Variants in SNX9 observed in about 807,000 individuals in gnomAD.
The protein encoded by SNX9 is sorting nexin-9.
A neutral mutation model predicts 89.4 loss-of-function variants in SNX9; 44 were observed. The ratio of observed to expected loss-of-function variants is 0.49; its 90% CI spans 0.39 to 0.63. SNX9 has a LOEUF of 0.63. SNX9 is among the 30% of genes least tolerant of loss of function. The pLI, the probability that SNX9 is intolerant of heterozygous loss-of-function variation, is 0.00. For missense variants in SNX9, 578 were observed against 736.1 expected (o/e 0.79, Z 2.49); for synonymous variants, 236 against 247.8 (o/e 0.95, Z 0.45).
At chr6:157,898,211 C>G (rs1783020268) in intron 5 of SNX9, among the ~76,000 whole-genome samples, 1 of 152,196 alleles carries the variant, frequency 6.6e-6, no homozygotes, top group Non-Finnish European at 1.5e-5. Context: ...TGCAGTTGCC[C>G]TTATTCACTA....
intron 4 of SNX9, among the ~76,000 whole-genome samples, chr6:157,889,789 A>G (rs904404974): frequency 5.3e-5 from 8 of 152,212 alleles, no homozygotes; most frequent in African/African-American, 1.9e-4. Flanking sequence ...GCTAATAGGT[A>G]TGTTACTTAG....
At chr6:157,864,088 C>A (rs149222863) in intron 1 of SNX9, among the ~76,000 whole-genome samples, 7 of 152,208 alleles carry the variant, frequency 4.6e-5, no homozygotes, top group African/African-American at 1.7e-4. Context: ...GAATTTATTC[C>A]TCATAACTGT....
At chr6:157,844,155 G>A (rs1461565490) in intron 1 of SNX9, among the ~76,000 whole-genome samples, 3 of 151,966 alleles carry the variant, frequency 2.0e-5, no homozygotes, top group Admixed American at 6.6e-5. Context: ...GATTGTAACC[G>A]CCCAATGGGT....
At chr6:157,913,086 C>T (rs953912455) in intron 9 of SNX9, among the ~76,000 whole-genome samples, 3 of 152,134 alleles carry the variant, frequency 2.0e-5, no homozygotes, top group Non-Finnish European at 4.4e-5. Flanking sequence ...GGGAGTTCAT[C>T]GTATCCCAGG....
At chr6:157,863,194 C>T (rs1782182670) in intron 1 of SNX9, among the ~76,000 whole-genome samples, 1 of 152,176 alleles carries the variant, frequency 6.6e-6, no homozygotes, top group Non-Finnish European at 1.5e-5. Context: ...GTGGGGCAGA[C>T]AGAATAACAG....
intron 1 of SNX9, 92 bp from the exon 2 acceptor site, chr6:157,867,455 C>T: frequency 1.0e-6 from 1 of 973,292 alleles, no homozygotes; most frequent in South Asian, 1.7e-5. Flanking sequence ...ATGTTTGTAC[C>T]AGCATGCTTA....
At chr6:157,835,959 C>CA (rs773723979) in intron 1 of SNX9, among the ~76,000 whole-genome samples, 1 of 152,138 alleles carries the variant, frequency 6.6e-6, no homozygotes, top group Non-Finnish European at 1.5e-5. Context: ...AGAAGGGTCT[C>CA]ACTCTGTTGC....
intron 4 of SNX9, among the ~76,000 whole-genome samples, chr6:157,892,276 A>G (rs906227070): frequency 6.6e-6 from 1 of 152,128 alleles, no homozygotes; most frequent in African/African-American, 2.4e-5. Flanking sequence ...TATGGGAAGG[A>G]TGGGTTCAGA....
At position 157,910,136 on chromosome 6, in the gene SNX9, G is replaced by C. The variant is rs767881582; in HGVS notation, c.949+111G>C. 7.3e-6 allele frequency: 6 copies of C among 821,772 alleles called. No homozygotes were observed. In the Admixed American group the frequency reaches 7.7e-5, roughly 10 times the overall value. 50.9% of individuals were successfully genotyped at this position (821,772 alleles called of 1,614,324 possible). A position where few individuals can be genotyped will look rare whatever the true frequency, so the allele number is the denominator to read the frequency against. Reference sequence around the variant, plus strand: ...CCATCCTGTAGAGCAGCAGGATGCAGGAGTTGGAAACAGTAATTAAATACA... The same window carrying C: ...CCATCCTGTAGAGCAGCAGGATGCACGAGTTGGAAACAGTAATTAAATACA... On this transcript the variant is annotated intron_variant, in intron 9 of 17. Transcript: ENST00000392185.
chr6:157,939,576 G>A (rs1783993938), intron 16 of SNX9, among the ~76,000 whole-genome samples: 1 of 152,198 alleles, frequency 6.6e-6, no homozygotes, highest in Non-Finnish European at 1.5e-5. Context: ...CTGGGGAGAA[G>A]AGAATGAAGC....
chr6:157,830,258 G>T (rs1781456057), intron 1 of SNX9: 1 of 152,122 alleles, frequency 6.6e-6, no homozygotes, highest in Non-Finnish European at 1.5e-5. Context: ...CATTGAGAAG[G>T]TATGTTGTTG....
intron 1 of SNX9, among the ~76,000 whole-genome samples, chr6:157,831,588 A>G (rs1262507040): frequency 6.6e-6 from 1 of 152,176 alleles, no homozygotes; most frequent in Non-Finnish European, 1.5e-5. Context: ...GCCCCCACAC[A>G]GTCCCCAGAG....
chr6:157,875,580 T>C (rs1179868722), intron 4 of SNX9, among the ~76,000 whole-genome samples: 2 of 152,110 alleles, frequency 1.3e-5, no homozygotes, highest in Non-Finnish European at 2.9e-5. Flanking sequence ...GCATGTTGCT[T>C]ACACTCTCAG....
rs41268579 is a variant in SNX9, at chr6:157,944,521, G to A, written c.*1683G>A. The A allele has an allele frequency of 9.6e-4, 146 of 152,626 alleles. No individual in the cohort carries two copies. The highest frequency in any genetic ancestry group is 1.7e-3 in the Non-Finnish European group (115 of 68,018). The allele number at this position is 152,626 out of a possible 1,614,324, so 9.5% of individuals were successfully genotyped here. A position where few individuals can be genotyped will look rare whatever the true frequency, so the allele number is the denominator to read the frequency against. ...AAAAACTGTACAGTAAATTCTCAAA[G>A]CACTTTTTCAAAACACTTTTTGGAC... On this transcript the variant is annotated 3_prime_UTR_variant, in exon 18 of 18. Transcript: ENST00000392185.
chr6:157,823,914 G>T lies in SNX9; in HGVS notation c.12+468G>T, dbSNP rs1408814497. Among the ~76,000 whole-genome samples the T allele has an allele frequency of 6.6e-6, 1 of 152,070 alleles. No homozygotes were observed. The highest frequency in any genetic ancestry group is 6.5e-5 in the Admixed American group (1 of 15,282). On this transcript the variant is annotated intron_variant, in intron 1 of 17. Coordinates refer to ENST00000392185, the MANE Select transcript of SNX9 (RefSeq NM_016224.5). The surrounding 1 kb of genome is among the most constrained non-coding windows in gnomAD (Gnocchi z 4.6). ...GCGGGTGGGGGTCGAGACCTCGGCG[G>T]AGAGGACGCGGCGCTTCCCGTCCCG...
At chr6:157,865,686 A>G (rs1782247562) in intron 1 of SNX9, among the ~76,000 whole-genome samples, 1 of 152,266 alleles carries the variant, frequency 6.6e-6, no homozygotes. Flanking sequence ...TTCGTCCATC[A>G]GTCCATCTTA....
chr6:157,895,308 G>C (rs563693873), intron 4 of SNX9, among the ~76,000 whole-genome samples: 23 of 152,268 alleles, frequency 1.5e-4, no homozygotes, highest in Non-Finnish European at 3.4e-4. Flanking sequence ...GAGTTGTCTT[G>C]GTCTGGGTTG....
chr6:157,880,796 C>A (rs1044774385), intron 4 of SNX9, among the ~76,000 whole-genome samples: 5 of 152,150 alleles, frequency 3.3e-5, no homozygotes, highest in African/African-American at 1.2e-4. Context: ...AGTTTAGGAG[C>A]CAGACTGTCT....
At chr6:157,931,880 G>A (rs1005839577) in intron 12 of SNX9, among the ~76,000 whole-genome samples, 3 of 152,178 alleles carry the variant, frequency 2.0e-5, no homozygotes, top group Admixed American at 6.5e-5. Context: ...ATGATCAAGC[G>A]CGGTGTCGCT....
Sources: gnomAD v4.1 joint callset for allele counts (sites outside exome capture counted in the v4.1 genomes callset) on GRCh38, gnomAD v4.1.1 for gene constraint, Gnocchi (gnomAD v3.1) non-coding constraint, MANE v1.5 for transcripts, NCBI Gene and HGNC (gene_info 2026-07-23, HGNC 2026-07-21) for gene names.